The following GOT2 variants were observed in gnomAD, a reference collection of about 807,000 sequenced individuals.
GOT2 encodes glutamic-oxaloacetic transaminase 2.
In GOT2, 17 loss-of-function variants were observed where a neutral mutation model predicts 50.0. The observed-to-expected ratio is 0.34, with a 90% CI of 0.23 to 0.51. The LOEUF (loss-of-function observed/expected upper bound fraction) is 0.51, where lower values mean the gene tolerates loss of function less well. Among genes scored for constraint, GOT2 ranks in the 20% least tolerant of loss-of-function variants. GOT2 has a pLI of 0.97. For synonymous variants in GOT2, 172 were observed against 204.9 expected (o/e 0.84, Z 1.37); for missense variants, 430 against 559.6 (o/e 0.77, Z 2.34).
chr16:58,722,876 G>A (rs1185032088), intron 2 of GOT2, among the ~76,000 whole-genome samples: 7 of 152,092 alleles, frequency 4.6e-5, no homozygotes, highest in Non-Finnish European at 8.8e-5. Context: ...AGGTTTAAGA[G>A]CAACACCTAA....
At chr16:58,718,139 G>T in intron 6 of GOT2, 57 bp downstream of exon 6, 1 of 1,184,118 alleles carries the variant, frequency 8.4e-7, no homozygotes, top group Non-Finnish European at 1.3e-6. Context: ...GCCAAATTAA[G>T]CCTCCAAAGC....
At chr16:58,715,527 C>A (rs886699197) in intron 8 of GOT2, among the ~76,000 whole-genome samples, 14 of 152,136 alleles carry the variant, frequency 9.2e-5, no homozygotes, top group African/African-American at 3.4e-4. Context: ...CAGAGCAAGA[C>A]CCTGTCTCAA....
chr16:58,722,139 G>A lies in GOT2; in HGVS notation c.375+11C>T, dbSNP rs550251373. 1 of 1,611,586 alleles carries A rather than the reference G, an allele frequency of 6.2e-7. No homozygotes were observed. Among genetic ancestry groups the A allele is most frequent in the South Asian group, 1.1e-5 (1 of 90,988 alleles). The stretch of plus-strand genomic sequence containing the variant: ...CAGACCTGGGATGATGCCAGAGCCT[G>A]CTCAGCTTACCCGGCCACTCTTCAA... On this transcript the variant is annotated intron_variant, in intron 3 of 9. Transcript: ENST00000245206.
At chr16:58,713,152 TAAAG>T (rs1459373108) in intron 8 of GOT2, among the ~76,000 whole-genome samples, 4 of 147,618 alleles carry the variant, frequency 2.7e-5, no homozygotes, top group African/African-American at 5.0e-5. Flanking sequence ...AAAAAACAAA[TAAAG>T]AAAAAACAAA....
rs998112140 is a variant in GOT2 at position 58,734,300 on chromosome 16, C to A, written c.-72G>T. On this transcript the variant is annotated 5_prime_UTR_variant, in exon 1 of 10. Transcript: ENST00000245206. ...GCGAGCGGACACACACACAGGGAAC[C>A]GGCTCCTGCTGAAGGTAAGGACAGG... 2.0e-5 allele frequency: 16 copies of A among 820,090 alleles called. No individual in the cohort carries two copies. The highest frequency in any genetic ancestry group is 1.1e-4 in the South Asian group (2 of 18,336). The allele number at this position is 820,090 out of a possible 1,614,324, so 50.8% of individuals were successfully genotyped here. A position where few individuals can be genotyped will look rare whatever the true frequency, so the allele number is the denominator to read the frequency against.
intron 1 of GOT2, among the ~76,000 whole-genome samples, chr16:58,724,285 CTT>C (rs56178822): frequency 7.2e-5 from 10 of 139,344 alleles, no homozygotes; most frequent in Admixed American, 1.4e-4. Flanking sequence ...TTCTGACAAA[CTT>C]TTTTTTTTTT....
chr16:58,712,243 GGCTCAC>G (rs1374837932), intron 8 of GOT2, among the ~76,000 whole-genome samples: 17 of 152,264 alleles, frequency 1.1e-4, no homozygotes, highest in African/African-American at 3.9e-4. Flanking sequence ...CAGGCGCGGT[GGCTCAC>G]GTCTATAATC....
At position 58,708,214 on chromosome 16, in the gene GOT2, T is replaced by C; in HGVS notation, c.1250A>G (p.Asn417Ser). 6.2e-7 allele frequency: 1 copy of C among 1,614,140 alleles called. No homozygotes were observed. Among genetic ancestry groups the C allele is most frequent in the Non-Finnish European group, 8.5e-7 (1 of 1,179,994 alleles). Residue 417 changes from asparagine to serine, a missense_variant, in exon 10 of 10, where the codon AAC becomes AGC. Physicochemically the swap from Asn to Ser is conservative, Grantham distance 46 (BLOSUM62 1). Coordinates refer to ENST00000245206, the MANE Select transcript of GOT2 (RefSeq NM_002080.4). ...AATGGCATGGGCAAGGTAGCCCACG[T>C]TGCTGGAGGTGACCCCTGCCACAGA... The part of the protein sequence containing the change: ...RISVAGVTSS[N>S]VGYLAHAIHQ...
chr16:58,708,224 T>C lies in GOT2; in HGVS notation c.1240A>G (p.Thr414Ala). ...GCAAGGTAGCCCACGTTGCTGGAGG[T>C]GACCCCTGCCACAGAGATGCGGCCA... ...KDGRISVAGV[T>A]SSNVGYLAHA... Residue 414 changes from threonine (T) to alanine (A), a missense_variant, in exon 10 of 10, where the codon ACC (threonine) becomes GCC (alanine). Thr to Ala is a moderately conservative substitution (Grantham distance 58). Coordinates refer to ENST00000245206, the MANE Select transcript of GOT2 (RefSeq NM_002080.4). 1.9e-6 allele frequency: 3 copies of C among 1,614,012 alleles called. No individual in the cohort carries two copies. The South Asian group carries it at 3.3e-5, about 18-fold the overall frequency.
intron 1 of GOT2, among the ~76,000 whole-genome samples, chr16:58,727,090 G>A (rs752706519): frequency 4.3e-4 from 65 of 152,230 alleles, no homozygotes; most frequent in Non-Finnish European, 7.6e-4. Flanking sequence ...GGAGGCGGAG[G>A]TTGCAGTGAG....
In GOT2 at chr16:58,708,287, G is replaced by A. The variant is rs141302038; in HGVS notation, c.1177C>T (p.Arg393Trp). ...TAGATGGAGAACTCCTTGATCAGCC[G>A]CTCCACCTGCAGAGAGGAAAGAACT... is the stretch of plus-strand genomic sequence containing the variant. Reference protein sequence around the residue: ...FTGLKPEQVERLIKEFSIYMT... With the variant: ...FTGLKPEQVEWLIKEFSIYMT... Residue 393 changes from arginine to tryptophan, a missense_variant, in exon 10 of 10, where the codon CGG becomes TGG. Transcript: ENST00000245206. 1.5e-4 allele frequency: 244 copies of A among 1,613,584 alleles called. 1 individual carries two copies. The highest frequency in any genetic ancestry group is 1.7e-4 in the Middle Eastern group (1 of 6,060).
chr16:58,726,845 T>C (rs1409252216), intron 1 of GOT2, among the ~76,000 whole-genome samples: 3 of 151,816 alleles, frequency 2.0e-5, no homozygotes, highest in South Asian at 2.1e-4. Flanking sequence ...GTTAACTTTT[T>C]TTTTCTTTTT....
intron 1 of GOT2, among the ~76,000 whole-genome samples, chr16:58,727,103 G>A (rs1276633319): frequency 2.6e-5 from 4 of 152,090 alleles, no homozygotes; most frequent in East Asian, 3.9e-4. Flanking sequence ...GCAGTGAGCC[G>A]AGAATGCACC....
chr16:58,710,710 T>C (rs1258346842), intron 8 of GOT2, among the ~76,000 whole-genome samples: 13 of 142,730 alleles, frequency 9.1e-5, no homozygotes, highest in Non-Finnish European at 2.0e-4. Context: ...TGAAACCCCG[T>C]CTCTACTAAA....
chr16:58,734,112 G>A, intron 1 of GOT2, 28 bp downstream of exon 1: 2 of 1,270,342 alleles, frequency 1.6e-6, no homozygotes, highest in Admixed American at 3.2e-5. Context: ...CCATCGCCCT[G>A]GCTCCATCTC....
intron 8 of GOT2, among the ~76,000 whole-genome samples, chr16:58,715,159 C>A (rs558272024): frequency 1.3e-5 from 2 of 152,196 alleles, no homozygotes; most frequent in South Asian, 4.1e-4. Flanking sequence ...CCAGCCTGGG[C>A]AAGACAGCAA....
At chr16:58,718,061 C>A (rs2044708990) in intron 6 of GOT2, 135 bp downstream of exon 6, 1 of 733,890 alleles carries the variant, frequency 1.4e-6, no homozygotes, top group Admixed American at 2.0e-5. Flanking sequence ...GAGCCCTTTT[C>A]TGGCAGCTTA....
Position 58,734,261 on chromosome 16 carries a change from G to C in GOT2, c.-33C>G. On this transcript the variant is annotated 5_prime_UTR_variant, in exon 1 of 10. Transcript: ENST00000245206. Reference sequence around the variant, plus strand: ...CGTAGGAGGGCAGTGGGCAGCCGCAGGACGGAGCAGAGGGCGAGCGGACAC... The same window carrying C: ...CGTAGGAGGGCAGTGGGCAGCCGCACGACGGAGCAGAGGGCGAGCGGACAC... 1 of 1,188,586 alleles carries C rather than the reference G, an allele frequency of 8.4e-7. No individual in the cohort carries two copies. The highest frequency in any genetic ancestry group is 1.1e-6 in the Non-Finnish European group (1 of 919,708). 73.6% of individuals were successfully genotyped at this position (1,188,586 alleles called of 1,614,324 possible).
At position 58,707,263 on chromosome 16, in the gene GOT2, TC is replaced by T. The variant is rs1453841072; in HGVS notation, c.*907del. 2 of 152,130 alleles carry T rather than the reference TC, an allele frequency of 1.3e-5. No individual in the cohort carries two copies. The highest frequency in any genetic ancestry group is 2.9e-5 in the Non-Finnish European group (2 of 68,064). 9.4% of individuals were successfully genotyped at this position (152,130 alleles called of 1,614,324 possible). A position where few individuals can be genotyped will look rare whatever the true frequency, so the allele number is the denominator to read the frequency against. ...GCAGCACGCAAAGCCTAGAATATCC[TC>T]TTTCCTGGTACCACCCTGCGCCGCT... On this transcript the variant is annotated 3_prime_UTR_variant, in exon 10 of 10. Transcript: ENST00000245206.
Sources: allele counts gnomAD v4.1 joint callset (sites outside exome capture counted in the v4.1 genomes callset), GRCh38; gene constraint gnomAD v4.1.1; transcripts MANE v1.5; gene names NCBI Gene and HGNC (gene_info 2026-07-23, HGNC 2026-07-21).